Variants in ARHGAP42 observed in about 807,000 individuals in gnomAD.
ARHGAP42 encodes the protein Rho GTPase activating protein 42.
A neutral mutation model predicts 125.0 loss-of-function variants in ARHGAP42; 63 were observed. The ratio of observed to expected loss-of-function variants is 0.50; its 90% CI spans 0.41 to 0.62. The LOEUF is 0.62. ARHGAP42 is among the 20% of genes least tolerant of loss of function. The pLI, the probability that ARHGAP42 is intolerant of heterozygous loss-of-function variation, is 0.00. For synonymous variants in ARHGAP42, 339 were observed against 351.0 expected, an observed-to-expected ratio of 0.97 and a Z score of 0.38; for missense variants, 766 against 1,024.2, an observed-to-expected ratio of 0.75 and a Z score of 3.44.
At chr11:100,722,321 G>T (rs1861773687) in intron 1 of ARHGAP42, among the ~76,000 whole-genome samples, 1 of 151,040 alleles carries the variant, frequency 6.6e-6, no homozygotes, top group African/African-American at 2.4e-5. Context: ...AATGTTACTA[G>T]TCCTTTGTAT....
chr11:100,924,018 TAAACATAAAA>T (rs980274837), intron 6 of ARHGAP42, among the ~76,000 whole-genome samples: 30 of 152,288 alleles, frequency 2.0e-4, no homozygotes, highest in African/African-American at 7.0e-4. Flanking sequence ...CCAGGAGCTA[TAAACATAAAA>T]AGACATGAAA....
chr11:100,857,165 T>G (rs1865340560), intron 3 of ARHGAP42, among the ~76,000 whole-genome samples: 1 of 152,072 alleles, frequency 6.6e-6, no homozygotes. Context: ...TTTTTCTGTT[T>G]AATACCTTTG....
intron 2 of ARHGAP42, among the ~76,000 whole-genome samples, chr11:100,772,075 G>T (rs1374161994): frequency 6.6e-6 from 1 of 151,942 alleles, no homozygotes; most frequent in African/African-American, 2.4e-5. Context: ...TCTTTTTCTT[G>T]TATAGTTCTA....
rs182227700 is a variant in ARHGAP42 at position 100,900,700 on chromosome 11, C to T, written c.385-12752C>T. Among the ~76,000 whole-genome samples the T allele has an allele frequency of 4.7e-3, 721 of 152,192 alleles. 2 individuals are homozygous for T. Among genetic ancestry groups the T allele is most frequent in the Non-Finnish European group, 7.9e-3 (534 of 68,020 alleles). ...TACCCTTTCTTCCACTTGGTCGAAT[C>T]GGCTGTTGAAACTTGTGTATGCATC... On this transcript the variant is annotated intron_variant, in intron 4 of 23. Coordinates refer to ENST00000298815, the MANE Select transcript of ARHGAP42 (RefSeq NM_152432.4).
intron 6 of ARHGAP42, among the ~76,000 whole-genome samples, chr11:100,923,288 C>T (rs73578199): frequency 8.3e-4 from 126 of 152,312 alleles, no homozygotes; most frequent in African/African-American, 2.9e-3. Context: ...GACACCAAAC[C>T]ATCTGAGACT....
chr11:100,959,722 T>C, intron 12 of ARHGAP42, 161 bp from the exon 13 acceptor site: 1 of 629,466 alleles, frequency 1.6e-6, no homozygotes, highest in Non-Finnish European at 2.8e-6. Flanking sequence ...CCTCCTCTAC[T>C]TCTACCCCAA....
intron 3 of ARHGAP42, among the ~76,000 whole-genome samples, chr11:100,839,158 A>C (rs2135108799): frequency 6.6e-6 from 1 of 152,248 alleles, no homozygotes; most frequent in South Asian, 2.1e-4. Flanking sequence ...ACTGAATTAA[A>C]TGGAGAGTGA....
intron 3 of ARHGAP42, among the ~76,000 whole-genome samples, chr11:100,842,127 C>T (rs1478791490): frequency 6.6e-6 from 1 of 152,138 alleles, no homozygotes; most frequent in Non-Finnish European, 1.5e-5. Context: ...CATTTGTGAA[C>T]AATTTTAAGT....
At chr11:100,822,451 C>T (rs1322589533) in intron 3 of ARHGAP42, among the ~76,000 whole-genome samples, 3 of 152,054 alleles carry the variant, frequency 2.0e-5, no homozygotes, top group Non-Finnish European at 4.4e-5. Flanking sequence ...AAATGGATTA[C>T]TGTTTGTTTC....
intron 3 of ARHGAP42, among the ~76,000 whole-genome samples, chr11:100,800,613 C>A (rs1863827916): frequency 6.6e-6 from 1 of 152,110 alleles, no homozygotes; most frequent in African/African-American, 2.4e-5. Context: ...GATCCGACCA[C>A]CCATTTCTTA....
At chr11:100,943,004 T>C (rs886815834) in intron 9 of ARHGAP42, among the ~76,000 whole-genome samples, 1 of 152,010 alleles carries the variant, frequency 6.6e-6, no homozygotes, top group African/African-American at 2.4e-5. Context: ...CTGTAAATGT[T>C]CCCCTTAACA....
intron 1 of ARHGAP42, among the ~76,000 whole-genome samples, chr11:100,700,524 TA>T (rs1242447729): frequency 3.9e-5 from 6 of 152,238 alleles, no homozygotes; most frequent in Non-Finnish European, 7.3e-5. Context: ...TGATTTTTAT[TA>T]AGTAAGTTTA....
At chr11:100,785,623 C>T (rs970913959) in intron 2 of ARHGAP42, among the ~76,000 whole-genome samples, 5 of 152,124 alleles carry the variant, frequency 3.3e-5, no homozygotes, top group Non-Finnish European at 7.3e-5. Flanking sequence ...GAATGGGATG[C>T]TTCAGCCTGT....
chr11:100,741,706 G>A (rs897777956), intron 1 of ARHGAP42, among the ~76,000 whole-genome samples: 1 of 152,236 alleles, frequency 6.6e-6, no homozygotes, highest in Non-Finnish European at 1.5e-5. Context: ...AGATTTCTCT[G>A]TGTGGGAGAC....
chr11:100,779,763 C>T (rs548094677), intron 2 of ARHGAP42, among the ~76,000 whole-genome samples: 3 of 151,652 alleles, frequency 2.0e-5, no homozygotes, highest in East Asian at 3.9e-4. Context: ...CGGTGACTCA[C>T]ATCTGTAATC....
chr11:100,716,361 G>C (rs7106603), intron 1 of ARHGAP42, among the ~76,000 whole-genome samples: 81,825 of 151,988 alleles, frequency 0.54, 22,559 homozygotes, highest in African/African-American at 0.67. Context: ...ATTGAAACAC[G>C]AGAATTTAAT....
chr11:100,816,318 T>G (rs1200462998), intron 3 of ARHGAP42, among the ~76,000 whole-genome samples: 2 of 151,948 alleles, frequency 1.3e-5, no homozygotes, highest in African/African-American at 4.8e-5. Flanking sequence ...CACTTGTTTT[T>G]TTGTTTTTTT....
rs1443461548 is a variant in ARHGAP42 at position 100,715,655 on chromosome 11, A to T, written c.154+27823A>T. Reference sequence around the variant, plus strand: ...CAGTGATAGACTTTAGTAGACATTCATGAGGGCTTTAGAGTCCTCCTCTGA... The same window carrying T: ...CAGTGATAGACTTTAGTAGACATTCTTGAGGGCTTTAGAGTCCTCCTCTGA... On this transcript the variant is annotated intron_variant, in intron 1 of 23. Coordinates refer to ENST00000298815, the MANE Select transcript of ARHGAP42 (RefSeq NM_152432.4). Among the ~76,000 whole-genome samples, 3 of 152,182 alleles carry T rather than the reference A, an allele frequency of 2.0e-5. No homozygotes were observed. The East Asian group carries it at 5.8e-4, about 29-fold the overall frequency.
At chr11:100,967,468 C>T (rs561074117) in intron 17 of ARHGAP42, among the ~76,000 whole-genome samples, 21 of 152,102 alleles carry the variant, frequency 1.4e-4, no homozygotes, top group South Asian at 2.1e-4. Context: ...TTCTCCTAAA[C>T]GAAAACCTTT....
Sources: gnomAD v4.1 joint callset for allele counts (sites outside exome capture counted in the v4.1 genomes callset) on GRCh38, gnomAD v4.1.1 for gene constraint, MANE v1.5 for transcripts, NCBI Gene and HGNC (gene_info 2026-07-23, HGNC 2026-07-21) for gene names.